PRKCZ: variants seen among roughly 807,000 people sequenced by gnomAD.
PRKCZ encodes the protein protein kinase C zeta type.
In PRKCZ, 33 loss-of-function variants were observed where a neutral mutation model predicts 79.5. That is an observed-to-expected ratio of 0.41 (90% CI 0.31 to 0.55). The LOEUF is 0.55. Ranked by LOEUF, PRKCZ falls within the 20% of genes least tolerant of loss-of-function variation. The pLI is 0.19. For synonymous variants in PRKCZ, 342 were observed against 320.9 expected (o/e 1.07, Z -0.70); for missense variants, 578 against 813.5 (o/e 0.71, Z 3.52).
intron 4 of PRKCZ, among the ~76,000 whole-genome samples, chr1:2,063,357 G>A (rs1160445686): frequency 6.6e-6 from 1 of 152,194 alleles, no homozygotes; most frequent in Non-Finnish European, 1.5e-5. Context: ...CTGTCGCTTA[G>A]GCTGGAGTTC....
intron 4 of PRKCZ, among the ~76,000 whole-genome samples, chr1:2,088,088 G>A (rs911184875): frequency 5.3e-5 from 8 of 152,190 alleles, no homozygotes; most frequent in African/African-American, 9.7e-5. Context: ...CCTCGGGCTC[G>A]GATGCTGCCT....
rs1282000167 is a variant in PRKCZ, at chr1:2,173,656, C to T, written c.1286-241C>T. 2.6e-5 allele frequency among the ~76,000 whole-genome samples: 4 copies of T among 152,288 alleles called. No homozygotes were observed. In the East Asian group the frequency reaches 5.8e-4, roughly 22 times the overall value. The stretch of plus-strand genomic sequence containing the variant: ...GTGGTCACAGGTGCCCTGGCAGGAC[C>T]GACAGCCCAGAGGCAGCCTGGGAGA... On this transcript the variant is annotated intron_variant, in intron 13 of 17. Coordinates refer to ENST00000378567, the MANE Select transcript of PRKCZ (RefSeq NM_002744.6). This position sits in a 1 kb window ranked among gnomAD's most constrained non-coding sequence, Gnocchi z 5.7.
intron 4 of PRKCZ, among the ~76,000 whole-genome samples, chr1:2,068,773 C>T (rs964803668): frequency 6.6e-6 from 1 of 152,198 alleles, no homozygotes; most frequent in African/African-American, 2.4e-5. Flanking sequence ...CTGCCCAGGC[C>T]CCCGCCCCGT....
chr1:2,105,426 G>A (rs1045522618), intron 4 of PRKCZ, among the ~76,000 whole-genome samples: 1 of 152,182 alleles, frequency 6.6e-6, no homozygotes, highest in Non-Finnish European at 1.5e-5. Context: ...TTTTGAGACA[G>A]TCTCACTCTT....
intron 1 of PRKCZ, among the ~76,000 whole-genome samples, chr1:2,051,733 C>G (rs1659681801): frequency 6.6e-6 from 1 of 152,112 alleles, no homozygotes; most frequent in South Asian, 2.1e-4. Context: ...CCGGGGGTCT[C>G]TATGGTGCCC....
rs896608088 is a variant in PRKCZ at position 2,165,233 on chromosome 1, G to C, written c.975-4285G>C. Among the ~76,000 whole-genome samples the C allele has an allele frequency of 6.6e-6, 1 of 152,164 alleles. No individual in the cohort carries two copies. Among genetic ancestry groups the C allele is most frequent in the African/African-American group, 2.4e-5 (1 of 41,438 alleles). ...AGCTTTAATGTCCGTCCTGCTCTCC[G>C]AGTCAGGAATCTGATTTTCCAGCGT... On this transcript the variant is annotated intron_variant, in intron 10 of 17. Coordinates refer to ENST00000378567, the MANE Select transcript of PRKCZ (RefSeq NM_002744.6). This position sits in a 1 kb window ranked among gnomAD's most constrained non-coding sequence, Gnocchi z 4.1.
At chr1:2,144,454 G>A in intron 6 of PRKCZ, 113 bp downstream of exon 6, 1 of 1,486,714 alleles carries the variant, frequency 6.7e-7, no homozygotes, top group Non-Finnish European at 9.0e-7. Flanking sequence ...AGGGGCCGTG[G>A]TGCCGTCCTA....
chr1:2,120,909 G>A (rs776857066), intron 4 of PRKCZ, among the ~76,000 whole-genome samples: 9 of 148,152 alleles, frequency 6.1e-5, no homozygotes, highest in South Asian at 2.1e-4. Context: ...CGCCTCCCAG[G>A]TTCAAGCAAT....
At chr1:2,145,821 C>T (rs421992) in intron 6 of PRKCZ, among the ~76,000 whole-genome samples, 35,866 of 152,078 alleles carry the variant, frequency 0.24, 4,870 homozygotes, top group Admixed American at 0.33. Flanking sequence ...GAAGCTGAGG[C>T]GGGAGGATTG....
intron 7 of PRKCZ, 115 bp from the exon 8 acceptor site, chr1:2,148,757 G>C: frequency 9.7e-7 from 1 of 1,030,002 alleles, no homozygotes; most frequent in Non-Finnish European, 1.5e-6. Flanking sequence ...TGGCTGCTGT[G>C]TGGATTCACC....
chr1:2,130,158 G>A (rs558416657), intron 4 of PRKCZ, among the ~76,000 whole-genome samples: 4 of 152,270 alleles, frequency 2.6e-5, no homozygotes, highest in African/African-American at 4.8e-5. Flanking sequence ...CACCTGCCTC[G>A]ACCTACCGAG....
chr1:2,154,372 C>CCCTT (rs1346237685), intron 9 of PRKCZ, among the ~76,000 whole-genome samples: 4 of 152,122 alleles, frequency 2.6e-5, no homozygotes, highest in Non-Finnish European at 5.9e-5. Flanking sequence ...GGATCTGCCT[C>CCCTT]CGAAGAGAAG....
At chr1:2,175,404 C>T (rs1357772751) in intron 16 of PRKCZ, 91 bp downstream of exon 16, 1 of 982,178 alleles carries the variant, frequency 1.0e-6, no homozygotes, top group Non-Finnish European at 1.5e-6. Flanking sequence ...CCAATATTCA[C>T]CCAACCCCCA....
At chr1:2,086,690 G>A (rs1049852897) in intron 4 of PRKCZ, among the ~76,000 whole-genome samples, 4 of 152,224 alleles carry the variant, frequency 2.6e-5, no homozygotes, top group Admixed American at 6.5e-5. Context: ...CCCGGTGGGC[G>A]GTGGGCCAGG....
At position 2,172,238 on chromosome 1, in the gene PRKCZ, G is replaced by A. The variant is rs746036298; in HGVS notation, c.1197+48G>A. The A allele has an allele frequency of 1.4e-5, 22 of 1,613,312 alleles. No individual in the cohort carries two copies. The highest frequency in any genetic ancestry group is 5.0e-5 in the Admixed American group (3 of 59,990). On this transcript the variant is annotated intron_variant, in intron 12 of 17. Coordinates refer to ENST00000378567, the MANE Select transcript of PRKCZ (RefSeq NM_002744.6). The surrounding 1 kb of genome is among the most constrained non-coding windows in gnomAD (Gnocchi z 7.8). ...CCTGACCATCCCGCATGTGCGTCTC[G>A]GGGCGCCTGTCCCGCGGGGTAGTGT... is the stretch of plus-strand genomic sequence containing the variant.
chr1:2,164,744 C>T (rs928293803), intron 10 of PRKCZ, among the ~76,000 whole-genome samples: 1 of 152,170 alleles, frequency 6.6e-6, no homozygotes, highest in Non-Finnish European at 1.5e-5. Context: ...TTCTAAATTG[C>T]GTTATTACCT....
chr1:2,154,806 C>A (rs187491056), intron 9 of PRKCZ, among the ~76,000 whole-genome samples: 38 of 152,330 alleles, frequency 2.5e-4, no homozygotes, highest in African/African-American at 8.7e-4. Flanking sequence ...CTTTGTCACT[C>A]TAAAGTTGAC....
rs1668503316 is a variant in PRKCZ, at chr1:2,106,550, GT to G, written c.335-28711del. On this transcript the variant is annotated intron_variant, in intron 4 of 17. Coordinates refer to ENST00000378567, the MANE Select transcript of PRKCZ (RefSeq NM_002744.6). ...CTGGTGGGCGAGGACCTCCACACGT[GT>G]CACCAGGCCAGGTAACTCTCAGCAA... 1.5e-4 allele frequency among the ~76,000 whole-genome samples: 6 copies of G among 40,834 alleles called. 1 individual carries two copies. The highest frequency in any genetic ancestry group is 2.5e-4 in the Non-Finnish European group (5 of 20,008). The allele number at this position is 40,834 out of a possible 152,430, so 26.8% of individuals were successfully genotyped here.
chr1:2,076,688 G>A lies in PRKCZ; in HGVS notation c.334+17097G>A, dbSNP rs542394839. On this transcript the variant is annotated intron_variant, in intron 4 of 17. Coordinates refer to ENST00000378567, the MANE Select transcript of PRKCZ (RefSeq NM_002744.6). ...ATCCGGGAGGCAGAGGTCACAGTGA[G>A]TCAAGATTGCGCCACCGCACTCCAG... 4.0e-5 allele frequency among the ~76,000 whole-genome samples: 6 copies of A among 151,228 alleles called. No homozygotes were observed. The South Asian group carries it at 1.3e-3, about 32-fold the overall frequency.
Sources: gnomAD v4.1 joint callset for allele counts (sites outside exome capture counted in the v4.1 genomes callset) on GRCh38, gnomAD v4.1.1 for gene constraint, Gnocchi (gnomAD v3.1) non-coding constraint, MANE v1.5 for transcripts, NCBI Gene and HGNC (gene_info 2026-07-23, HGNC 2026-07-21) for gene names.